Variants in LRP1B observed in about 807,000 individuals in gnomAD.
The protein encoded by LRP1B is low-density lipoprotein receptor-related protein 1B.
LRP1B carries 217 observed loss-of-function variants against 556.6 expected under a neutral mutation model. The ratio of observed to expected loss-of-function variants is 0.39; its 90% confidence interval spans 0.35 to 0.44. LRP1B has a LOEUF of 0.44. Ranked by LOEUF, LRP1B falls within the 20% of genes least tolerant of loss-of-function variation. LRP1B has a pLI of 1.00. For synonymous variants in LRP1B, 2,047 were observed against 1,865.8 expected (o/e 1.10, Z -2.50); for missense variants, 5,053 against 5,620.8 (o/e 0.90, Z 3.23).
intron 3 of LRP1B, among the ~76,000 whole-genome samples, chr2:141,370,823 A>G (rs1185819382): frequency 2.6e-5 from 4 of 152,130 alleles, no homozygotes; most frequent in African/African-American, 7.2e-5. Flanking sequence ...ATTTTTATAT[A>G]TGATGAGATA....
At position 141,517,261 on chromosome 2, in the gene LRP1B, C is replaced by CACACACACACACACACACACACAT. The variant is rs1491252909; in HGVS notation, c.206-36729_206-36728insATGTGTGTGTGTGTGTGTGTGTGT. Among the ~76,000 whole-genome samples the CACACACACACACACACACACACAT allele has an allele frequency of 7.7e-4, 115 of 149,694 alleles. 1 individual carries two copies. The highest frequency in any genetic ancestry group is 1.1e-3 in the Non-Finnish European group (76 of 67,132). The stretch of plus-strand genomic sequence containing the variant: ...ACCATGTCTTAGAAGGACAAGAATA[C>CACACACACACACACACACACACAT]GCACACACACAGACACACACACACA... On this transcript the variant is annotated intron_variant, in intron 2 of 90. Coordinates refer to ENST00000389484, the MANE Select transcript of LRP1B (RefSeq NM_018557.3).
chr2:141,027,224 A>T (rs1698241358), intron 11 of LRP1B, among the ~76,000 whole-genome samples: 1 of 151,978 alleles, frequency 6.6e-6, no homozygotes, highest in Non-Finnish European at 1.5e-5. Flanking sequence ...AAGTCTGCAA[A>T]TTTTTTCAGA....
chr2:141,945,054 A>AT (rs1341020657), intron 1 of LRP1B, among the ~76,000 whole-genome samples: 1 of 152,108 alleles, frequency 6.6e-6, no homozygotes, highest in Non-Finnish European at 1.5e-5. Context: ...TTTTAGTTAT[A>AT]TTTTTGTTGT....
intron 1 of LRP1B, among the ~76,000 whole-genome samples, chr2:142,074,681 A>T (rs1370731299): frequency 6.6e-6 from 1 of 151,614 alleles, no homozygotes; most frequent in Non-Finnish European, 1.5e-5. Flanking sequence ...GTCATCTCCT[A>T]CTCACCCCAG....
chr2:140,716,909 G>A, intron 35 of LRP1B, 93 bp from the exon 36 acceptor site: 1 of 596,162 alleles, frequency 1.7e-6, no homozygotes, highest in Non-Finnish European at 2.7e-6. Flanking sequence ...GTATCTTTTA[G>A]GATATCATCC....
intron 7 of LRP1B, among the ~76,000 whole-genome samples, chr2:141,140,552 G>A (rs1363692877): frequency 5.3e-5 from 8 of 152,022 alleles, no homozygotes; most frequent in African/African-American, 1.4e-4. Flanking sequence ...AATAGAGCTG[G>A]TGTCCTAACA....
rs70994433 is a variant in LRP1B at position 141,489,112 on chromosome 2, C to CTTT, written c.206-8582_206-8580dup. 1.8e-4 allele frequency among the ~76,000 whole-genome samples: 14 copies of CTTT among 76,078 alleles called. 1 individual carries two copies. Among genetic ancestry groups the CTTT allele is most frequent in the African/African-American group, 8.1e-4 (14 of 17,374 alleles). 49.9% of individuals were successfully genotyped at this position (76,078 alleles called of 152,430 possible). ...CACCTCAGCCTCCCATGATGCTTGG[C>CTTT]TTTTTTTTTTTTTTTTTTTTTTTTT... On this transcript the variant is annotated intron_variant, in intron 2 of 90. Transcript: ENST00000389484.
chr2:141,911,733 A>T (rs147835702), intron 1 of LRP1B, among the ~76,000 whole-genome samples: 6 of 152,106 alleles, frequency 3.9e-5, no homozygotes, highest in Admixed American at 2.6e-4. Flanking sequence ...TCTGTTGCCA[A>T]TTCCTCTCTC....
At chr2:140,540,882 A>G in intron 45 of LRP1B, 91 bp downstream of exon 45, 2 of 1,376,398 alleles carry the variant, frequency 1.5e-6, no homozygotes, top group East Asian at 4.8e-5. Context: ...AGAAGAGAGT[A>G]TAACTTCATG....
rs1461480919 is a variant in LRP1B, at chr2:141,339,277, T to C, written c.344-84636A>G. Among the ~76,000 whole-genome samples, 4 of 148,038 alleles carry C rather than the reference T, an allele frequency of 2.7e-5. No individual in the cohort carries two copies. In the East Asian group the frequency reaches 7.9e-4, roughly 29 times the overall value. ...GAATCTTGCTTCTTTATGTTTGTCA[T>C]CTCACTACTGCTTGGGGTAACGCAA... is the stretch of plus-strand genomic sequence containing the variant. On this transcript the variant is annotated intron_variant, in intron 3 of 90. Coordinates refer to ENST00000389484, the MANE Select transcript of LRP1B (RefSeq NM_018557.3).
chr2:141,221,785 AC>A (rs1280281659), intron 6 of LRP1B, among the ~76,000 whole-genome samples: 32 of 152,284 alleles, frequency 2.1e-4, no homozygotes, highest in Admixed American at 1.5e-3. Context: ...ACTGAAAATC[AC>A]AAAACCACAT....
At chr2:141,193,115 C>T (rs1248575472) in intron 6 of LRP1B, among the ~76,000 whole-genome samples, 1 of 151,986 alleles carries the variant, frequency 6.6e-6, no homozygotes, top group Non-Finnish European at 1.5e-5. Context: ...GAAAAGGGAA[C>T]ACTTACACAT....
At chr2:140,705,594 G>C (rs1275668539) in intron 37 of LRP1B, among the ~76,000 whole-genome samples, 1 of 138,552 alleles carries the variant, frequency 7.2e-6, no homozygotes, top group Non-Finnish European at 1.5e-5. Context: ...ATATGAAAAA[G>C]GTCTTAGCTC....
intron 3 of LRP1B, among the ~76,000 whole-genome samples, chr2:141,453,241 TA>T (rs199959905): frequency 5.3e-5 from 8 of 150,136 alleles, no homozygotes; most frequent in African/African-American, 9.8e-5. Context: ...CATCTCAAAA[TA>T]AAAAAAAATA....
At chr2:141,913,094 A>G (rs1699946353) in intron 1 of LRP1B, among the ~76,000 whole-genome samples, 1 of 152,204 alleles carries the variant, frequency 6.6e-6, no homozygotes, top group Admixed American at 6.5e-5. Flanking sequence ...TCTAGGGTAT[A>G]AACTTTCAGT....
At chr2:142,114,890 G>T (rs1707128282) in intron 1 of LRP1B, among the ~76,000 whole-genome samples, 1 of 152,048 alleles carries the variant, frequency 6.6e-6, no homozygotes, top group Admixed American at 6.6e-5. Context: ...CAAAGTGAAA[G>T]ATTTGGAATG....
intron 51 of LRP1B, among the ~76,000 whole-genome samples, chr2:140,511,001 T>C (rs1689628241): frequency 6.6e-6 from 1 of 152,026 alleles, no homozygotes; most frequent in African/African-American, 2.4e-5. Context: ...TAAATCTCTT[T>C]TTTTTTTTAA....
chr2:140,786,521 T>C (rs1689906883), intron 32 of LRP1B, among the ~76,000 whole-genome samples: 1 of 152,220 alleles, frequency 6.6e-6, no homozygotes, highest in South Asian at 2.1e-4. Flanking sequence ...AGCAGCTCTC[T>C]GCAGTTTGTC....
At chr2:141,723,337 T>C (rs867853123) in intron 2 of LRP1B, among the ~76,000 whole-genome samples, 2 of 150,362 alleles carry the variant, frequency 1.3e-5, no homozygotes, top group African/African-American at 4.9e-5. Context: ...AAAAATTCAG[T>C]TTATGAGGCT....
Sources: gnomAD v4.1 joint callset for allele counts (sites outside exome capture counted in the v4.1 genomes callset) on GRCh38, gnomAD v4.1.1 for gene constraint, MANE v1.5 for transcripts, NCBI Gene and HGNC (gene_info 2026-07-23, HGNC 2026-07-21) for gene names.